The following CDC14B variants were observed in gnomAD, a reference collection of about 807,000 sequenced individuals.
The protein encoded by CDC14B is dual specificity protein phosphatase CDC14B.
A neutral mutation model predicts 64.2 loss-of-function variants in CDC14B; 22 were observed. The ratio of observed to expected loss-of-function variants is 0.34; its 90% CI spans 0.24 to 0.49. The LOEUF (loss-of-function observed/expected upper bound fraction) is 0.49, where lower values mean the gene tolerates loss of function less well. Ranked by LOEUF, CDC14B falls within the 20% of genes least tolerant of loss-of-function variation. The probability of loss-of-function intolerance (pLI) is 0.99; values close to 1 mark genes in which losing one functional copy is unlikely to be tolerated. For synonymous variants in CDC14B, 191 were observed against 215.8 expected (o/e 0.89, Z 1.01); for missense variants, 498 against 629.9 (o/e 0.79, Z 2.24).
chr9:96,566,967 G>A (rs1304122787), intron 1 of CDC14B: 10 of 1,463,980 alleles, frequency 6.8e-6, no homozygotes, highest in African/African-American at 4.3e-5. Flanking sequence ...GCGGCCCAAC[G>A]GCCTGACACG....
At chr9:96,602,498 G>C (rs1846560080) in intron 1 of CDC14B, among the ~76,000 whole-genome samples, 1 of 152,144 alleles carries the variant, frequency 6.6e-6, no homozygotes, top group African/African-American at 2.4e-5. Context: ...CCACGTGGCT[G>C]GGAAGGCCTC....
chr9:96,532,985 CT>C (rs1204309014), intron 9 of CDC14B, among the ~76,000 whole-genome samples: 1 of 151,896 alleles, frequency 6.6e-6, no homozygotes, highest in East Asian at 1.9e-4. Flanking sequence ...ATTTCTTCTT[CT>C]TTTTTTTGTT....
At chr9:96,594,785 C>G (rs1845978317) in intron 1 of CDC14B, among the ~76,000 whole-genome samples, 2 of 150,436 alleles carry the variant, frequency 1.3e-5, no homozygotes, top group Admixed American at 1.3e-4. Flanking sequence ...ATCGTACAGG[C>G]TGGCATGAGT....
chr9:96,568,471 G>GA (rs1844267090), intron 1 of CDC14B, among the ~76,000 whole-genome samples: 1 of 152,124 alleles, frequency 6.6e-6, no homozygotes, highest in African/African-American at 2.4e-5. Context: ...TTTTTCCTCA[G>GA]ACTGGCAAAA....
chr9:96,516,584 A>G (rs1200051198), intron 12 of CDC14B, among the ~76,000 whole-genome samples: 1 of 151,896 alleles, frequency 6.6e-6, no homozygotes, highest in East Asian at 1.9e-4. Flanking sequence ...GGTTCAAACA[A>G]TTCTCCCACT....
In CDC14B at chr9:96,568,647, G is replaced by A. The variant is rs143800970; in HGVS notation, c.161-3164C>T. Among the ~76,000 whole-genome samples, 1,032 of 152,304 alleles carry A rather than the reference G, an allele frequency of 6.8e-3. 7 individuals are homozygous for A. The highest frequency in any genetic ancestry group is 0.01 in the Non-Finnish European group (683 of 68,028). On this transcript the variant is annotated intron_variant, in intron 1 of 13. Transcript: ENST00000375241. ...AAACTGAAAACTAGACAGACGTGGC[G>A]GCTCATGCCTGTAATCACAGCATTT...
intron 1 of CDC14B, among the ~76,000 whole-genome samples, chr9:96,594,653 G>T (rs976733192): frequency 4.1e-5 from 6 of 146,740 alleles, no homozygotes; most frequent in African/African-American, 1.5e-4. Context: ...GGAGGCAGAG[G>T]TTGCAGTGAG....
chr9:96,507,705 C>A (rs906647209), intron 13 of CDC14B, among the ~76,000 whole-genome samples: 3 of 152,130 alleles, frequency 2.0e-5, no homozygotes, highest in South Asian at 4.2e-4. Context: ...TGAGCCACCG[C>A]GCCCAGCCTG....
chr9:96,569,951 A>G (rs978983140), intron 1 of CDC14B, among the ~76,000 whole-genome samples: 1 of 152,216 alleles, frequency 6.6e-6, no homozygotes, highest in African/African-American at 2.4e-5. Flanking sequence ...CCTGTTAAAA[A>G]TCCATGTATC....
chr9:96,597,987 C>T (rs976588945), intron 1 of CDC14B, among the ~76,000 whole-genome samples: 5 of 152,020 alleles, frequency 3.3e-5, no homozygotes, highest in Non-Finnish European at 4.4e-5. Flanking sequence ...CTTAAAATCC[C>T]GAAGCCATAA....
chr9:96,590,423 G>C (rs1250493075), intron 1 of CDC14B, among the ~76,000 whole-genome samples: 5 of 152,096 alleles, frequency 3.3e-5, no homozygotes, highest in African/African-American at 1.2e-4. Context: ...TCCACCTCTT[G>C]GCTCTTGTGA....
intron 12 of CDC14B, among the ~76,000 whole-genome samples, chr9:96,517,351 A>C (rs1835846312): frequency 6.8e-6 from 1 of 146,756 alleles, no homozygotes; most frequent in Non-Finnish European, 1.5e-5. Flanking sequence ...CAAAAAATAA[A>C]AAAAATAAAA....
At chr9:96,597,988 G>A (rs1354908921) in intron 1 of CDC14B, among the ~76,000 whole-genome samples, 6 of 152,108 alleles carry the variant, frequency 3.9e-5, no homozygotes, top group Non-Finnish European at 8.8e-5. Flanking sequence ...TTAAAATCCC[G>A]AAGCCATAAT....
chr9:96,554,188 A>T (rs554956490), intron 4 of CDC14B, among the ~76,000 whole-genome samples: 1 of 152,080 alleles, frequency 6.6e-6, no homozygotes, highest in Non-Finnish European at 1.5e-5. Context: ...AAAAAACAAA[A>T]CAAAACCCTA....
chr9:96,505,335 A>G (rs1428228922), intron 13 of CDC14B, among the ~76,000 whole-genome samples: 1 of 152,224 alleles, frequency 6.6e-6, no homozygotes, highest in Non-Finnish European at 1.5e-5. Flanking sequence ...TCCTAGTGAT[A>G]CAACTCAGAA....
chr9:96,578,889 G>A (rs1009781878), intron 1 of CDC14B, among the ~76,000 whole-genome samples: 2 of 152,156 alleles, frequency 1.3e-5, no homozygotes, highest in African/African-American at 2.4e-5. Context: ...CGCGATCTCG[G>A]CTCACTGCAA....
chr9:96,603,939 C>T (rs1846679442), intron 1 of CDC14B, among the ~76,000 whole-genome samples: 1 of 152,186 alleles, frequency 6.6e-6, no homozygotes. Flanking sequence ...ACCAGTAGAT[C>T]CACCTTGAAA....
intron 7 of CDC14B, among the ~76,000 whole-genome samples, chr9:96,537,995 C>T (rs960095866): frequency 6.6e-6 from 1 of 152,220 alleles, no homozygotes; most frequent in Non-Finnish European, 1.5e-5. Context: ...GCTAGGATTA[C>T]AGGCATGAGC....
intron 12 of CDC14B, among the ~76,000 whole-genome samples, chr9:96,512,705 A>G (rs1482955946): frequency 6.6e-6 from 1 of 152,232 alleles, no homozygotes; most frequent in East Asian, 1.9e-4. Context: ...AATTTTGCAT[A>G]AAACCAAACA....
Sources: allele counts gnomAD v4.1 joint callset (sites outside exome capture counted in the v4.1 genomes callset), GRCh38; gene constraint gnomAD v4.1.1; transcripts MANE v1.5; gene names NCBI Gene and HGNC (gene_info 2026-07-23, HGNC 2026-07-21).